CAPZB: variants seen among roughly 807,000 people sequenced by gnomAD.
CAPZB encodes F-actin-capping protein subunit beta.
Under a neutral mutation model 38.1 loss-of-function variants are expected in CAPZB, and 2 were observed. That is an observed-to-expected ratio of 0.05 (90% confidence interval 0.02 to 0.17). CAPZB has a LOEUF of 0.17. Among genes scored for constraint, CAPZB ranks in the 10% least tolerant of loss-of-function variants. The probability of loss-of-function intolerance (pLI) is 1.00; values close to 1 mark genes in which losing one functional copy is unlikely to be tolerated. For missense variants in CAPZB, 161 were observed against 334.2 expected (o/e 0.48, Z 4.04); for synonymous variants, 107 against 127.4 (o/e 0.84, Z 1.08).
chr1:19,374,552 C>G (rs2094135360), intron 4 of CAPZB: 1 of 152,450 alleles, frequency 6.6e-6, no homozygotes, highest in Non-Finnish European at 1.5e-5. Flanking sequence ...AGTGTGTGGT[C>G]TGAAAGTGGC....
chr1:19,465,168 T>C (rs2094565047), intron 1 of CAPZB, among the ~76,000 whole-genome samples: 2 of 152,216 alleles, frequency 1.3e-5, no homozygotes. Context: ...GTCTGAATGC[T>C]GGTACCCCCT....
intron 2 of CAPZB, among the ~76,000 whole-genome samples, chr1:19,386,751 G>A (rs538261346): frequency 4.6e-5 from 7 of 152,296 alleles, no homozygotes; most frequent in Admixed American, 3.9e-4. Flanking sequence ...AGCTTGGAAA[G>A]CAACGCCCAG....
rs1402936782 is a variant in CAPZB, at chr1:19,422,803, A to T, written c.4-3053T>A. On this transcript the variant is annotated intron_variant, in intron 1 of 8. Coordinates refer to ENST00000264202, the MANE Select transcript of CAPZB (RefSeq NM_004930.5). ...TAAAAATTTCTGGTCTTCAGAAAGT[A>T]TCTCAACTAGATATTAGCAATCCTC... Among the ~76,000 whole-genome samples, 3 of 152,228 alleles carry T rather than the reference A, an allele frequency of 2.0e-5. No individual in the cohort carries two copies. In the East Asian group the frequency reaches 5.8e-4, roughly 29 times the overall value.
intron 1 of CAPZB, among the ~76,000 whole-genome samples, chr1:19,472,132 G>C (rs752618573): frequency 3.9e-5 from 6 of 152,212 alleles, no homozygotes; most frequent in Non-Finnish European, 8.8e-5. Context: ...TCCAGATAAA[G>C]TTATTAGAGG....
chr1:19,437,739 G>C (rs1013832476), intron 1 of CAPZB, among the ~76,000 whole-genome samples: 2 of 152,172 alleles, frequency 1.3e-5, no homozygotes, highest in Non-Finnish European at 2.9e-5. Flanking sequence ...CTGTTTACCA[G>C]GGACCCCAGC....
chr1:19,410,488 G>T (rs990987717), intron 2 of CAPZB, among the ~76,000 whole-genome samples: 3 of 152,174 alleles, frequency 2.0e-5, no homozygotes, highest in East Asian at 1.9e-4. Context: ...GTGTATGGGT[G>T]GGGGGTGGTG....
chr1:19,439,385 A>G (rs2094468416), intron 1 of CAPZB, among the ~76,000 whole-genome samples: 1 of 152,252 alleles, frequency 6.6e-6, no homozygotes, highest in South Asian at 2.1e-4. Flanking sequence ...AAGTATTTGA[A>G]TTAAAGGTCT....
At chr1:19,339,642 A>G in intron 8 of CAPZB, 25 bp from the exon 9 acceptor site, 1 of 1,569,620 alleles carries the variant, frequency 6.4e-7, no homozygotes, top group African/African-American at 1.3e-5. Context: ...AGGCGTTATC[A>G]GCAGATTGAA....
At chr1:19,471,591 GCT>G (rs1558292299) in intron 1 of CAPZB, among the ~76,000 whole-genome samples, 1 of 132,992 alleles carries the variant, frequency 7.5e-6, no homozygotes, top group Non-Finnish European at 1.7e-5. Context: ...TCGGCTGGGC[GCT>G]GTGGCTCACA....
intron 6 of CAPZB, among the ~76,000 whole-genome samples, chr1:19,355,396 G>A (rs2094015058): frequency 6.6e-6 from 1 of 151,702 alleles, no homozygotes; most frequent in African/African-American, 2.4e-5. Flanking sequence ...TCGGGAGGCT[G>A]AGGCAGGAGA....
At chr1:19,342,717 A>T (rs747286159) in intron 8 of CAPZB, 7 of 1,346,008 alleles carry the variant, frequency 5.2e-6, no homozygotes, top group Non-Finnish European at 5.3e-6. Flanking sequence ...GTCCTGTTTT[A>T]GTGGGGAGGG....
intron 1 of CAPZB, among the ~76,000 whole-genome samples, chr1:19,429,311 G>C (rs1490221027): frequency 6.6e-6 from 1 of 151,910 alleles, no homozygotes; most frequent in Non-Finnish European, 1.5e-5. Flanking sequence ...TCTGAGAGAA[G>C]GAATAAATCA....
At chr1:19,458,045 C>T (rs2094538419) in intron 1 of CAPZB, among the ~76,000 whole-genome samples, 1 of 149,642 alleles carries the variant, frequency 6.7e-6, no homozygotes, top group Non-Finnish European at 1.5e-5. Context: ...TATATGTAGC[C>T]TATGACCACA....
At chr1:19,434,313 G>A (rs2094451259) in intron 1 of CAPZB, among the ~76,000 whole-genome samples, 1 of 151,974 alleles carries the variant, frequency 6.6e-6, no homozygotes, top group Non-Finnish European at 1.5e-5. Flanking sequence ...CTGTTTAGCG[G>A]CAATAATAAT....
At chr1:19,429,116 G>C (rs2094433895) in intron 1 of CAPZB, among the ~76,000 whole-genome samples, 3 of 152,308 alleles carry the variant, frequency 2.0e-5, no homozygotes, top group Middle Eastern at 3.4e-3. Context: ...ATTAGCCTAA[G>C]GACAGTGTAT....
chr1:19,462,075 C>T (rs766655414), intron 1 of CAPZB, among the ~76,000 whole-genome samples: 16 of 151,812 alleles, frequency 1.1e-4, no homozygotes, highest in South Asian at 8.3e-4. Flanking sequence ...GAGCCCAGGG[C>T]TTTGAGGCTG....
chr1:19,455,326 A>G (rs2094529632), intron 1 of CAPZB, among the ~76,000 whole-genome samples: 1 of 152,222 alleles, frequency 6.6e-6, no homozygotes, highest in African/African-American at 2.4e-5. Flanking sequence ...GATCCCATAG[A>G]GAGAGAGTCT....
intron 1 of CAPZB, among the ~76,000 whole-genome samples, chr1:19,468,605 T>G (rs1247453094): frequency 6.6e-6 from 1 of 151,364 alleles, no homozygotes; most frequent in Non-Finnish European, 1.5e-5. Context: ...GGCAGGAGAG[T>G]GTACTGAAAT....
chr1:19,461,900 G>C (rs138236120), intron 1 of CAPZB, among the ~76,000 whole-genome samples: 3 of 152,324 alleles, frequency 2.0e-5, no homozygotes, highest in East Asian at 1.9e-4. Context: ...ATTTAAGTGA[G>C]ATGATGCATT....
Sources: gnomAD v4.1 joint callset for allele counts (sites outside exome capture counted in the v4.1 genomes callset) on GRCh38, gnomAD v4.1.1 for gene constraint, MANE v1.5 for transcripts, NCBI Gene and HGNC (gene_info 2026-07-23, HGNC 2026-07-21) for gene names.